Variants in SLC67A1 observed in about 807,000 individuals in gnomAD.
SLC67A1 encodes solute carrier family 67 member 1.
chr11:2,919,314 C>T, the SLC67A1 span: 1 of 1,613,600 alleles, frequency 6.2e-7, no homozygotes, highest in East Asian at 2.2e-5. Flanking sequence ...CAGGGCTCTT[C>T]ATGGTCATGT....
the SLC67A1 span, chr11:2,914,727 G>A: frequency 1.0e-3 from 1,002 of 985,416 alleles, 7 homozygotes; most frequent in African/African-American, 0.015. Flanking sequence ...GAAGTGGTGC[G>A]TCTGCTCCTG....
At chr11:2,922,367 G>T in the SLC67A1 span, 1 of 1,581,132 alleles carries the variant, frequency 6.3e-7, no homozygotes. Flanking sequence ...GGAGGGACAG[G>T]TAAGACCCCA....
the SLC67A1 span, among the ~76,000 whole-genome samples, chr11:2,918,487 G>A: frequency 2.6e-5 from 4 of 152,208 alleles, no homozygotes; most frequent in Admixed American, 6.5e-5. Context: ...AGGGCGTCAC[G>A]GACCACAGAT....
At chr11:2,915,263 G>T in the SLC67A1 span, 1 of 982,192 alleles carries the variant, frequency 1.0e-6, no homozygotes. Flanking sequence ...GCAGGTAAGT[G>T]TGTGTACAAG....
chr11:2,914,379 G>A, the SLC67A1 span, among the ~76,000 whole-genome samples: 18 of 152,182 alleles, frequency 1.2e-4, no homozygotes, highest in Non-Finnish European at 2.5e-4. Context: ...ATGGTCCCGG[G>A]GGATGCCCAG....
At chr11:2,906,928 G>T in the SLC67A1 span, among the ~76,000 whole-genome samples, 2 of 151,952 alleles carry the variant, frequency 1.3e-5, no homozygotes, top group Admixed American at 1.3e-4. Context: ...CACTAGCGGC[G>T]CTGGGGAGGG....
the SLC67A1 span, chr11:2,925,086 C>T: frequency 5.7e-5 from 92 of 1,613,734 alleles, no homozygotes; most frequent in Admixed American, 5.0e-4. This position sits in a 1 kb window ranked among gnomAD's most constrained non-coding sequence, Gnocchi z 6.5. Flanking sequence ...GCCTCCTGTA[C>T]CGCAGCTTTG....
At chr11:2,908,551 A>G in the SLC67A1 span, among the ~76,000 whole-genome samples, 1 of 152,192 alleles carries the variant, frequency 6.6e-6, no homozygotes, top group Non-Finnish European at 1.5e-5. Flanking sequence ...CTGTGGCCAG[A>G]GAGAGAGTGT....
chr11:2,919,029 C>G, the SLC67A1 span: 1 of 426,256 alleles, frequency 2.3e-6, no homozygotes, highest in Non-Finnish European at 4.3e-6. Flanking sequence ...GGGGCCAAAT[C>G]CTCCCACGTG....
the SLC67A1 span, chr11:2,902,678 G>C: frequency 1.0e-6 from 1 of 985,590 alleles, no homozygotes; most frequent in Non-Finnish European, 1.2e-6. Flanking sequence ...TTGGAGGCCG[G>C]GCGGGGAAGG....
the SLC67A1 span, among the ~76,000 whole-genome samples, chr11:2,901,039 A>G: frequency 6.6e-6 from 1 of 152,168 alleles, no homozygotes; most frequent in Non-Finnish European, 1.5e-5. Context: ...CTGTGTGGAA[A>G]GGCGGGGTTC....
At chr11:2,917,714 C>G in the SLC67A1 span, among the ~76,000 whole-genome samples, 1 of 152,236 alleles carries the variant, frequency 6.6e-6, no homozygotes, top group Non-Finnish European at 1.5e-5. Flanking sequence ...TGAGGCCAGT[C>G]TACCTGCGTG....
chr11:2,918,055 G>A, the SLC67A1 span: 43 of 1,613,496 alleles, frequency 2.7e-5, no homozygotes, highest in Admixed American at 2.8e-4. Context: ...CAGACGTCCC[G>A]AGGATCTTCC....
chr11:2,906,104 C>A, the SLC67A1 span, among the ~76,000 whole-genome samples: 4 of 152,188 alleles, frequency 2.6e-5, no homozygotes, highest in Non-Finnish European at 4.4e-5. Context: ...ATGCAGCCAA[C>A]AGACACATGA....
At chr11:2,904,340 C>T in the SLC67A1 span, among the ~76,000 whole-genome samples, 3 of 152,186 alleles carry the variant, frequency 2.0e-5, no homozygotes, top group Middle Eastern at 3.2e-3. Flanking sequence ...GGCACCATTC[C>T]GGGCCTGGCA....
the SLC67A1 span, chr11:2,908,423 C>G: frequency 1.1e-6 from 1 of 891,258 alleles, no homozygotes; most frequent in Non-Finnish European, 1.7e-6. Context: ...TCCCTGACCC[C>G]ACACCGGACC....
chr11:2,909,705 G>T, the SLC67A1 span: 4 of 1,525,426 alleles, frequency 2.6e-6, no homozygotes, highest in Non-Finnish European at 1.8e-6. Flanking sequence ...TGGTCTCCGC[G>T]TACGGGTGAG....
the SLC67A1 span, among the ~76,000 whole-genome samples, chr11:2,900,841 G>A: frequency 6.6e-6 from 1 of 152,192 alleles, no homozygotes; most frequent in African/African-American, 2.4e-5. Flanking sequence ...AGCGCAGCGA[G>A]GGCTGTTGGT....
chr11:2,915,280 C>T, the SLC67A1 span: 180 of 927,894 alleles, frequency 1.9e-4, no homozygotes, highest in Non-Finnish European at 2.2e-4. Flanking sequence ...CAAGTTTGCC[C>T]GTGTGTGTGT....
Sources: allele counts gnomAD v4.1 joint callset (sites outside exome capture counted in the v4.1 genomes callset), GRCh38; gene constraint gnomAD v4.1.1; non-coding constraint Gnocchi (gnomAD v3.1); transcripts MANE v1.5; gene names NCBI Gene and HGNC (gene_info 2026-07-23, HGNC 2026-07-21).